C1orf146: variants seen among roughly 807,000 people sequenced by gnomAD.
C1orf146 encodes chromosome 1 open reading frame 146.
A neutral mutation model predicts 23.0 loss-of-function variants in C1orf146; 22 were observed. That is an observed-to-expected ratio of 0.96 (90% confidence interval 0.68 to 1.36). C1orf146 has a LOEUF of 1.36. C1orf146 is among the 40% of genes most tolerant of loss of function. The pLI, the probability that C1orf146 is intolerant of heterozygous loss-of-function variation, is 0.00. For synonymous variants in C1orf146, 59 were observed against 65.3 expected, an observed-to-expected ratio of 0.90 and a Z score of 0.47; for missense variants, 199 against 206.8, an observed-to-expected ratio of 0.96 and a Z score of 0.23.
chr1:92,231,588 T>C lies in C1orf146; in HGVS notation c.66+102T>C, dbSNP rs1652121541. 3 of 670,884 alleles carry C rather than the reference T, an allele frequency of 4.5e-6. No homozygotes were observed. In the East Asian group the frequency reaches 8.6e-5, roughly 19 times the overall value. The allele number at this position is 670,884 out of a possible 1,614,324, so 41.6% of individuals were successfully genotyped here. ...AGGTTCTTAGCTTAATTATCCACAA[T>C]TAATTGTGGGGAGCAGGAAGTACAT... is the stretch of plus-strand genomic sequence containing the variant. On this transcript the variant is annotated intron_variant, in intron 2 of 5. Transcript: ENST00000370375.
chr1:92,235,098 T>C (rs1159989139), intron 2 of C1orf146, among the ~76,000 whole-genome samples: 11 of 152,094 alleles, frequency 7.2e-5, no homozygotes, highest in Non-Finnish European at 1.0e-4. Context: ...GTTTTTTGTG[T>C]CTCTATTTCC....
At chr1:92,220,485 T>C (rs1651794090) in intron 1 of C1orf146, among the ~76,000 whole-genome samples, 1 of 152,206 alleles carries the variant, frequency 6.6e-6, no homozygotes, top group South Asian at 2.1e-4. Context: ...CTATATGGTA[T>C]AGCCTATTGC....
chr1:92,232,198 C>T (rs975150625), intron 2 of C1orf146, among the ~76,000 whole-genome samples: 13 of 152,016 alleles, frequency 8.6e-5, no homozygotes, highest in African/African-American at 2.4e-4. Flanking sequence ...CATGCTGGTG[C>T]GCTGCACCCA....
chr1:92,233,623 G>T (rs1166637612), intron 2 of C1orf146, among the ~76,000 whole-genome samples: 4 of 152,190 alleles, frequency 2.6e-5, no homozygotes, highest in Non-Finnish European at 5.9e-5. Context: ...GAACTTTAAA[G>T]TAGTTTTTTC....
chr1:92,224,144 A>C (rs1173022192), intron 1 of C1orf146, among the ~76,000 whole-genome samples: 1 of 151,238 alleles, frequency 6.6e-6, no homozygotes, highest in Non-Finnish European at 1.5e-5. Context: ...TCCTCCTCCC[A>C]GGGTCACACC....
chr1:92,243,734 G>A (rs1652490496), intron 3 of C1orf146, among the ~76,000 whole-genome samples: 1 of 152,118 alleles, frequency 6.6e-6, no homozygotes, highest in South Asian at 2.1e-4. Context: ...ACACATGGAG[G>A]TGTCTGGAGG....
At chr1:92,238,156 G>A (rs549187936) in intron 2 of C1orf146, among the ~76,000 whole-genome samples, 2 of 152,014 alleles carry the variant, frequency 1.3e-5, no homozygotes, top group South Asian at 2.1e-4. Flanking sequence ...CTCGAACTCC[G>A]ATCCCTGCCT....
intron 2 of C1orf146, among the ~76,000 whole-genome samples, chr1:92,238,862 CCTTCA>C (rs1221216547): frequency 1.3e-5 from 2 of 152,128 alleles, no homozygotes; most frequent in African/African-American, 4.8e-5. Flanking sequence ...TTGTCTTCTT[CCTTCA>C]CTTGTCTGCT....
intron 2 of C1orf146, among the ~76,000 whole-genome samples, chr1:92,239,371 T>G (rs1219266846): frequency 6.6e-6 from 1 of 152,236 alleles, no homozygotes; most frequent in Non-Finnish European, 1.5e-5. Flanking sequence ...TAGTGCTATC[T>G]TCCCCTTGAG....
intron 2 of C1orf146, among the ~76,000 whole-genome samples, chr1:92,234,843 A>G (rs1003246480): frequency 1.3e-5 from 2 of 151,990 alleles, no homozygotes; most frequent in African/African-American, 4.8e-5. Flanking sequence ...GTCTTGGGAG[A>G]GTGTATGTGT....
intron 2 of C1orf146, among the ~76,000 whole-genome samples, chr1:92,234,720 G>A (rs1652231782): frequency 6.6e-6 from 1 of 152,214 alleles, no homozygotes; most frequent in African/African-American, 2.4e-5. Flanking sequence ...GGTAGAATTA[G>A]GCTGTGAATC....
intron 2 of C1orf146, among the ~76,000 whole-genome samples, chr1:92,240,463 A>G (rs946214995): frequency 2.0e-5 from 3 of 152,216 alleles, no homozygotes; most frequent in Non-Finnish European, 2.9e-5. Flanking sequence ...TAATTTTAAA[A>G]CAGCAGAAGA....
chr1:92,222,090 A>AC (rs1651830988), intron 1 of C1orf146, among the ~76,000 whole-genome samples: 1 of 152,110 alleles, frequency 6.6e-6, no homozygotes, highest in South Asian at 2.1e-4. Context: ...ATACAAAAAA[A>AC]ATCAGCCAGG....
At chr1:92,224,942 C>T (rs540584919) in intron 1 of C1orf146, among the ~76,000 whole-genome samples, 3 of 152,096 alleles carry the variant, frequency 2.0e-5, no homozygotes, top group Non-Finnish European at 4.4e-5. Flanking sequence ...GGGGTTTCAC[C>T]ATGTTGGCTA....
intron 2 of C1orf146, among the ~76,000 whole-genome samples, chr1:92,233,640 T>G (rs1271268858): frequency 6.6e-6 from 1 of 152,208 alleles, no homozygotes; most frequent in Non-Finnish European, 1.5e-5. Flanking sequence ...TTTCCAATTC[T>G]GTGAAGAAAG....
intron 3 of C1orf146, among the ~76,000 whole-genome samples, chr1:92,242,883 AAGGTAG>A (rs1652464024): frequency 6.6e-6 from 1 of 152,168 alleles, no homozygotes; most frequent in Non-Finnish European, 1.5e-5. Flanking sequence ...GATTTTTAAA[AAGGTAG>A]AGGTAAAGGA....
At chr1:92,244,883 A>C (rs755640835) in intron 5 of C1orf146, 26 bp downstream of exon 5, 1 of 1,279,410 alleles carries the variant, frequency 7.8e-7, no homozygotes, top group Admixed American at 1.7e-5. Context: ...AATATGACAC[A>C]TACACACATA....
chr1:92,232,289 G>C (rs1175714199), intron 2 of C1orf146, among the ~76,000 whole-genome samples: 1 of 120,756 alleles, frequency 8.3e-6, no homozygotes, highest in Non-Finnish European at 1.6e-5. Flanking sequence ...TCCCCAGAGT[G>C]TGATGTTCCC....
At chr1:92,237,316 CT>C in intron 2 of C1orf146, among the ~76,000 whole-genome samples, 1 of 152,124 alleles carries the variant, frequency 6.6e-6, no homozygotes, top group South Asian at 2.1e-4. Context: ...GTTAGTTTTC[CT>C]TCTAACAGAC....
Sources: gnomAD v4.1 joint callset for allele counts (sites outside exome capture counted in the v4.1 genomes callset) on GRCh38, gnomAD v4.1.1 for gene constraint, MANE v1.5 for transcripts, NCBI Gene and HGNC (gene_info 2026-07-23, HGNC 2026-07-21) for gene names.